PKP4: variants seen among roughly 807,000 people sequenced by gnomAD.
PKP4 encodes plakophilin-4.
Under a neutral mutation model 145.1 loss-of-function variants are expected in PKP4, and 90 were observed. The ratio of observed to expected loss-of-function variants is 0.62; its 90% confidence interval spans 0.52 to 0.74. The LOEUF (loss-of-function observed/expected upper bound fraction) is 0.74. PKP4 is among the 30% of genes least tolerant of loss of function. The pLI is 0.00. For missense variants in PKP4, 1,340 were observed against 1,482.7 expected (o/e 0.90, Z 1.58); for synonymous variants, 563 against 577.2 (o/e 0.98, Z 0.35).
At chr2:158,532,067 T>A (rs1415877690) in intron 1 of PKP4, among the ~76,000 whole-genome samples, 1 of 152,176 alleles carries the variant, frequency 6.6e-6, no homozygotes, top group Non-Finnish European at 1.5e-5. Flanking sequence ...CGGATTATTA[T>A]TTTGGAAACA....
intron 4 of PKP4, among the ~76,000 whole-genome samples, chr2:158,618,646 T>C (rs1186327271): frequency 6.6e-6 from 1 of 152,168 alleles, no homozygotes; most frequent in Non-Finnish European, 1.5e-5. Flanking sequence ...ATGAGCAAGA[T>C]TGTTACATGG....
At chr2:158,619,694 A>G (rs1229482269) in intron 4 of PKP4, among the ~76,000 whole-genome samples, 1 of 152,192 alleles carries the variant, frequency 6.6e-6, no homozygotes, top group African/African-American at 2.4e-5. Context: ...TGTTACTGGG[A>G]ATTTGCTTGT....
chr2:158,651,881 G>A (rs1057430551), intron 11 of PKP4, among the ~76,000 whole-genome samples: 1 of 151,964 alleles, frequency 6.6e-6, no homozygotes, highest in African/African-American at 2.4e-5. Flanking sequence ...CTGGCACACA[G>A]GATATTCAAG....
intron 2 of PKP4, among the ~76,000 whole-genome samples, chr2:158,550,636 C>T (rs574727340): frequency 1.3e-5 from 2 of 152,300 alleles, no homozygotes; most frequent in African/African-American, 2.4e-5. Flanking sequence ...TTCTGATAGA[C>T]TGGTGGGGCC....
At chr2:158,542,950 A>G (rs920805387) in intron 2 of PKP4, among the ~76,000 whole-genome samples, 1 of 152,230 alleles carries the variant, frequency 6.6e-6, no homozygotes, top group Admixed American at 6.5e-5. Context: ...AGTACTTACT[A>G]TGTATCAGAC....
At chr2:158,520,546 A>T (rs895555313) in intron 1 of PKP4, among the ~76,000 whole-genome samples, 1 of 152,204 alleles carries the variant, frequency 6.6e-6, no homozygotes, top group African/African-American at 2.4e-5. Context: ...TATCATGTTT[A>T]TTCCGCTATA....
chr2:158,540,566 C>T (rs1047641955), intron 2 of PKP4, among the ~76,000 whole-genome samples: 1 of 151,964 alleles, frequency 6.6e-6, no homozygotes, highest in East Asian at 1.9e-4. Context: ...AGGCACAAAC[C>T]GTATTTATAC....
chr2:158,534,226 T>A (rs1187550057), intron 2 of PKP4, among the ~76,000 whole-genome samples: 1 of 152,220 alleles, frequency 6.6e-6, no homozygotes, highest in African/African-American at 2.4e-5. Flanking sequence ...TGACGAAGAT[T>A]GAGGAAACAT....
At chr2:158,563,941 A>T (rs1386816643) in intron 2 of PKP4, among the ~76,000 whole-genome samples, 1 of 152,198 alleles carries the variant, frequency 6.6e-6, no homozygotes, top group African/African-American at 2.4e-5. Context: ...CTCAATCAGA[A>T]TACCACGTTC....
chr2:158,516,388 ATAGGAACCTCATTT>A, intron 1 of PKP4, among the ~76,000 whole-genome samples: 1 of 152,306 alleles, frequency 6.6e-6, no homozygotes, highest in South Asian at 2.1e-4. Flanking sequence ...CTTGCTAACC[ATAGGAACCTCATTT>A]TGAGATGCTG....
chr2:158,628,012 C>G (rs184725389), intron 7 of PKP4, among the ~76,000 whole-genome samples: 1 of 150,246 alleles, frequency 6.7e-6, no homozygotes, highest in Non-Finnish European at 1.5e-5. Flanking sequence ...GACGGAGTTT[C>G]GCTCTGTCAC....
intron 3 of PKP4, among the ~76,000 whole-genome samples, chr2:158,579,239 T>C (rs911559924): frequency 2.0e-5 from 3 of 152,068 alleles, no homozygotes; most frequent in Admixed American, 6.6e-5. Context: ...ATAGGACTTG[T>C]CAGTGCCCAT....
intron 3 of PKP4, chr2:158,588,152 A>G (rs1017614723): frequency 1.3e-5 from 2 of 152,168 alleles, no homozygotes; most frequent in African/African-American, 2.4e-5. Flanking sequence ...TCACATGTGT[A>G]AGATTCTGGA....
chr2:158,549,503 C>T (rs2045404631), intron 2 of PKP4, among the ~76,000 whole-genome samples: 3 of 152,118 alleles, frequency 2.0e-5, no homozygotes, highest in South Asian at 2.1e-4. Flanking sequence ...TTCCCACCGC[C>T]ACCCCTAGAT....
At chr2:158,598,128 T>G (rs1048772348) in intron 3 of PKP4, among the ~76,000 whole-genome samples, 1 of 152,204 alleles carries the variant, frequency 6.6e-6, no homozygotes, top group Non-Finnish European at 1.5e-5. Flanking sequence ...CAAGCCTGAT[T>G]TTTTTAAATA....
intron 2 of PKP4, among the ~76,000 whole-genome samples, chr2:158,551,869 CT>C (rs1304422618): frequency 6.6e-6 from 1 of 152,164 alleles, no homozygotes; most frequent in Non-Finnish European, 1.5e-5. Flanking sequence ...ACAACTATAA[CT>C]TTTTTATAGA....
intron 1 of PKP4, among the ~76,000 whole-genome samples, chr2:158,511,323 T>A (rs1310426922): frequency 6.6e-6 from 1 of 152,012 alleles, no homozygotes; most frequent in East Asian, 1.9e-4. Flanking sequence ...GAGGCGGAGG[T>A]TGCAGTGAGC....
chr2:158,585,857 C>G (rs1460131806), intron 3 of PKP4, among the ~76,000 whole-genome samples: 1 of 149,300 alleles, frequency 6.7e-6, no homozygotes, highest in Non-Finnish European at 1.5e-5. Flanking sequence ...GCAACCATCA[C>G]CACTACTTAA....
At chr2:158,631,666 C>T in intron 7 of PKP4, 87 bp from the exon 8 acceptor site, 1 of 1,163,476 alleles carries the variant, frequency 8.6e-7, no homozygotes, top group Non-Finnish European at 1.3e-6. Flanking sequence ...GCTGGGATTA[C>T]AGGGGTTAGG....
Sources: allele counts gnomAD v4.1 joint callset (sites outside exome capture counted in the v4.1 genomes callset), GRCh38; gene constraint gnomAD v4.1.1; transcripts MANE v1.5; gene names NCBI Gene and HGNC (gene_info 2026-07-23, HGNC 2026-07-21).